Variants in ALOX5 observed in about 807,000 individuals in gnomAD.
ALOX5 encodes the protein arachidonate 5-lipoxygenase, also known as polyunsaturated fatty acid 5-lipoxygenase.
Under a neutral mutation model 87.9 loss-of-function variants are expected in ALOX5, and 64 were observed. The observed-to-expected ratio is 0.73, with a 90% CI of 0.60 to 0.90. The LOEUF (loss-of-function observed/expected upper bound fraction) is 0.90, where lower values mean the gene tolerates loss of function less well. ALOX5 is among the 40% of genes least tolerant of loss of function. The probability of loss-of-function intolerance (pLI) is 0.00; values close to 1 mark genes in which losing one functional copy is unlikely to be tolerated. For missense variants in ALOX5, 822 were observed against 907.5 expected, an observed-to-expected ratio of 0.91 and a Z score of 1.21; for synonymous variants, 388 against 355.1, an observed-to-expected ratio of 1.09 and a Z score of -1.04.
rs138855994 is a variant in ALOX5 at position 45,440,434 on chromosome 10, A to G, written c.986A>G (p.Asn329Ser). The change falls in exon 8 of 14, where the codon AAC (asparagine) becomes AGC (serine). Residue 329 changes from asparagine to serine, a missense_variant. By Grantham distance (46) the Asn-to-Ser change is conservative (BLOSUM62 1). Coordinates refer to ENST00000374391, the MANE Select transcript of ALOX5 (RefSeq NM_000698.5). ...NKIVPIAIQLNQIPGDENPIF... is the reference protein window; with the variant it reads ...NKIVPIAIQLSQIPGDENPIF... ...TCCTTTCCCCCAATGTATCAGCTCAACCAAATCCCGGGAGATGAGAACCCT... is the reference window on the plus strand; with the variant it reads ...TCCTTTCCCCCAATGTATCAGCTCAGCCAAATCCCGGGAGATGAGAACCCT... The G allele has an allele frequency of 6.4e-5, 103 of 1,614,086 alleles. No homozygotes were observed. In the African/African-American group the frequency reaches 1.1e-3, roughly 18 times the overall value.
chr10:45,380,758 A>G (rs1839796493), intron 1 of ALOX5, among the ~76,000 whole-genome samples: 1 of 152,138 alleles, frequency 6.6e-6, no homozygotes, highest in African/African-American at 2.4e-5. Context: ...CCTGGCCAAC[A>G]TGGTGAAACC....
chr10:45,404,877 G>A (rs1457320868), intron 3 of ALOX5, among the ~76,000 whole-genome samples: 1 of 152,198 alleles, frequency 6.6e-6, no homozygotes, highest in East Asian at 1.9e-4. Flanking sequence ...TCTGCCAGTA[G>A]ACACCCCAGT....
At position 45,445,742 on chromosome 10, in the gene ALOX5, A is replaced by G; in HGVS notation, c.*55A>G. ...CAGCTGCCCCAGCCAGATGGACTCC[A>G]GCCTGCCTGGCAGGCTGTCTGGCCA... is the stretch of plus-strand genomic sequence containing the variant. On this transcript the variant is annotated 3_prime_UTR_variant, in exon 14 of 14. Transcript: ENST00000374391. 6.4e-7 allele frequency: 1 copy of G among 1,570,260 alleles called. No homozygotes were observed. Among genetic ancestry groups the G allele is most frequent in the Non-Finnish European group, 8.7e-7 (1 of 1,149,682 alleles).
intron 1 of ALOX5, among the ~76,000 whole-genome samples, chr10:45,381,363 C>T (rs1461874449): frequency 6.6e-6 from 1 of 152,238 alleles, no homozygotes; most frequent in Non-Finnish European, 1.5e-5. Flanking sequence ...TGTATCTAAG[C>T]CTCACCATTT....
intron 1 of ALOX5, among the ~76,000 whole-genome samples, chr10:45,380,399 C>T (rs1367886525): frequency 6.6e-6 from 1 of 152,218 alleles, no homozygotes; most frequent in Non-Finnish European, 1.5e-5. Flanking sequence ...CTGGCCTCAG[C>T]GTCAGCCACC....
chr10:45,382,642 A>G lies in ALOX5; in HGVS notation c.310A>G (p.Ile104Val). Residue 104 changes from isoleucine (I) to valine (V), a missense_variant, in exon 2 of 14, where the codon ATC (isoleucine) becomes GTC (valine). By Grantham distance (29) the Ile-to-Val change is conservative (BLOSUM62 3). Coordinates refer to ENST00000374391, the MANE Select transcript of ALOX5 (RefSeq NM_000698.5). ...CATCGAGTTCCCCTGCTACCGCTGG[A>G]TCACCGGCGATGTCGAGGTTGTCCT... ...DYIEFPCYRW[I>V]TGDVEVVLRD... The G allele has an allele frequency of 6.2e-7, 1 of 1,613,922 alleles. No homozygotes were observed. Among genetic ancestry groups the G allele is most frequent in the Non-Finnish European group, 8.5e-7 (1 of 1,179,928 alleles).
chr10:45,385,492 A>G (rs995664739), intron 2 of ALOX5, among the ~76,000 whole-genome samples: 5 of 152,228 alleles, frequency 3.3e-5, no homozygotes, highest in Non-Finnish European at 5.9e-5. Context: ...CTTCGGGACC[A>G]GGGGAGACAG....
chr10:45,374,338 A>G lies in ALOX5; in HGVS notation c.59A>G (p.Asp20Gly). Residue 20 changes from aspartate to glycine, a missense_variant, in exon 1 of 14, where the codon GAC (aspartate) becomes GGC (glycine). Transcript: ENST00000374391. ...TGSQWFAGTD[D>G]YIYLSLVGSA... Reference sequence around the variant, plus strand: ...AGCCAGTGGTTCGCCGGCACTGACGACTACATCTACCTCAGCCTCGTGGGC... The same window carrying G: ...AGCCAGTGGTTCGCCGGCACTGACGGCTACATCTACCTCAGCCTCGTGGGC... 1 of 1,534,658 alleles carries G rather than the reference A, an allele frequency of 6.5e-7. No homozygotes were observed. The highest frequency in any genetic ancestry group is 1.2e-5 in the South Asian group (1 of 82,496).
chr10:45,410,436 G>A (rs2132756800), intron 3 of ALOX5, among the ~76,000 whole-genome samples: 1 of 152,330 alleles, frequency 6.6e-6, no homozygotes, highest in East Asian at 1.9e-4. Flanking sequence ...TAAACCAACA[G>A]TGAGAAATGT....
intron 2 of ALOX5, among the ~76,000 whole-genome samples, chr10:45,387,704 C>T (rs1840055358): frequency 6.6e-6 from 1 of 152,170 alleles, no homozygotes; most frequent in Non-Finnish European, 1.5e-5. Context: ...AAGGCAGGGG[C>T]CCCAAGGCTT....
In ALOX5 at chr10:45,440,334, C is replaced by G; in HGVS notation, c.982-96C>G. ...TTCCAAAGTCACTGTTAAAGAAATT[C>G]AGATACTTCTGGAACTTCCCAAGAG... On this transcript the variant is annotated intron_variant, in intron 7 of 13. Coordinates refer to ENST00000374391, the MANE Select transcript of ALOX5 (RefSeq NM_000698.5). The G allele has an allele frequency of 2.3e-6, 3 of 1,326,492 alleles. No homozygotes were observed. In the South Asian group the frequency reaches 4.1e-5, roughly 18 times the overall value. 82.2% of individuals were successfully genotyped at this position (1,326,492 alleles called of 1,614,324 possible).
At chr10:45,430,124 C>T (rs1041111710) in intron 7 of ALOX5, among the ~76,000 whole-genome samples, 20 of 152,106 alleles carry the variant, frequency 1.3e-4, no homozygotes, top group Non-Finnish European at 2.4e-4. Flanking sequence ...GGGAGATCCC[C>T]GGAGATCCCA....
Position 45,374,266 on chromosome 10 carries a change from C to T in ALOX5, c.-14C>T, listed in dbSNP as rs1370951036. 2 of 1,467,924 alleles carry T rather than the reference C, an allele frequency of 1.4e-6. No individual in the cohort carries two copies. The highest frequency in any genetic ancestry group is 9.0e-7 in the Non-Finnish European group (1 of 1,108,892). 90.9% of individuals were successfully genotyped at this position (1,467,924 alleles called of 1,614,324 possible). On this transcript the variant is annotated 5_prime_UTR_variant, in exon 1 of 14. Transcript: ENST00000374391. ...CCGAGGCTCCCGGCGCTCGCTGCTC[C>T]CGCGGCCCGCGCCATGCCCTCCTAC...
chr10:45,398,193 C>A (rs1253870069), intron 3 of ALOX5, among the ~76,000 whole-genome samples: 2 of 152,164 alleles, frequency 1.3e-5, no homozygotes, highest in Non-Finnish European at 2.9e-5. Context: ...TAAGCCCTTA[C>A]ACTTATGGCC....
At chr10:45,411,801 C>A (rs1052703948) in intron 3 of ALOX5, among the ~76,000 whole-genome samples, 4 of 152,214 alleles carry the variant, frequency 2.6e-5, no homozygotes, top group Non-Finnish European at 5.9e-5. Context: ...GGTGGATGTC[C>A]AGGTTGGGCG....
intron 3 of ALOX5, among the ~76,000 whole-genome samples, chr10:45,409,505 G>GTCTCTC (rs775559364): frequency 2.1e-5 from 2 of 95,810 alleles, no homozygotes; most frequent in South Asian, 3.5e-4. Flanking sequence ...CTCTCTGTCT[G>GTCTCTC]TCTGTCTCTC....
chr10:45,409,266 G>A (rs10900213), intron 3 of ALOX5, among the ~76,000 whole-genome samples: 41 of 152,084 alleles, frequency 2.7e-4, no homozygotes, highest in Admixed American at 1.2e-3. Flanking sequence ...AAAGTCACTC[G>A]GAGCCTGCTC....
intron 1 of ALOX5, among the ~76,000 whole-genome samples, chr10:45,377,223 C>T (rs1839648456): frequency 6.6e-6 from 1 of 152,002 alleles, no homozygotes. Context: ...TCTAGAATAC[C>T]TCCTTCTTGT....
Position 45,441,392 on chromosome 10 carries a change from C to T in ALOX5, c.1234C>T (p.Arg412Cys), listed in dbSNP as rs749677954. 9.9e-6 allele frequency: 16 copies of T among 1,613,700 alleles called. No individual in the cohort carries two copies. The highest frequency in any genetic ancestry group is 9.9e-5 in the South Asian group (9 of 91,056). Residue 412 changes from arginine (R) to cysteine (C), a missense_variant, in exon 9 of 14, where the codon CGT (arginine) becomes TGT (cysteine). Physicochemically the swap from Arg to Cys is radical, Grantham distance 180 (BLOSUM62 -3). Transcript: ENST00000374391. Reference sequence around the variant, plus strand: ...CACCATTGCAATCAACACCAAGGCCCGTGAGCAGCTCATCTGCGAGTGTGG... The same window carrying T: ...CACCATTGCAATCAACACCAAGGCCTGTGAGCAGCTCATCTGCGAGTGTGG... ...RFTIAINTKA[R>C]EQLICECGLF...
Sources: allele counts gnomAD v4.1 joint callset (sites outside exome capture counted in the v4.1 genomes callset), GRCh38; gene constraint gnomAD v4.1.1; transcripts MANE v1.5; gene names NCBI Gene and HGNC (gene_info 2026-07-23, HGNC 2026-07-21).